The following FREM2 variants were observed in gnomAD, a reference collection of about 807,000 sequenced individuals.
FREM2 encodes the protein FRAS1-related extracellular matrix protein 2.
Under a neutral mutation model 219.9 loss-of-function variants are expected in FREM2, and 119 were observed. The ratio of observed to expected loss-of-function variants is 0.54; its 90% CI spans 0.47 to 0.63. The LOEUF (loss-of-function observed/expected upper bound fraction) is 0.63. FREM2 is among the 30% of genes least tolerant of loss of function. The pLI, the probability that FREM2 is intolerant of heterozygous loss-of-function variation, is 0.00. For synonymous variants in FREM2, 1,562 were observed against 1,522.8 expected (o/e 1.03, Z -0.60); for missense variants, 4,030 against 3,993.6 (o/e 1.01, Z -0.25).
At chr13:38,855,066 G>A (rs556225030) in intron 11 of FREM2, among the ~76,000 whole-genome samples, 20 of 152,144 alleles carry the variant, frequency 1.3e-4, no homozygotes, top group African/African-American at 2.9e-4. Context: ...GCTTAATTAC[G>A]ATTTCAATAA....
chr13:38,758,681 G>A (rs1205719621), intron 2 of FREM2, among the ~76,000 whole-genome samples: 2 of 152,202 alleles, frequency 1.3e-5, no homozygotes, highest in Non-Finnish European at 2.9e-5. Flanking sequence ...TCCTATGGAA[G>A]ATTCTGAGGC....
intron 6 of FREM2, chr13:38,822,177 G>A (rs907639461): frequency 6.6e-6 from 1 of 151,984 alleles, no homozygotes; most frequent in African/African-American, 2.4e-5. Context: ...TATAGGTATT[G>A]TGAGAGGAAA....
intron 6 of FREM2, among the ~76,000 whole-genome samples, chr13:38,825,755 A>C (rs189250547): frequency 6.6e-6 from 1 of 152,198 alleles, no homozygotes; most frequent in Admixed American, 6.6e-5. Flanking sequence ...CTCCTCTCTG[A>C]GCTACCTTTT....
intron 16 of FREM2, among the ~76,000 whole-genome samples, chr13:38,869,678 A>G (rs57955343): frequency 0.017 from 2,610 of 152,318 alleles, 77 homozygotes; most frequent in African/African-American, 0.059. Flanking sequence ...CAAAATAGAG[A>G]TGAATTAAAT....
At chr13:38,698,419 ATAT>A (rs1870203748) in intron 2 of FREM2, among the ~76,000 whole-genome samples, 1 of 152,062 alleles carries the variant, frequency 6.6e-6, no homozygotes, top group Non-Finnish European at 1.5e-5. Flanking sequence ...CTTTTGGGCG[ATAT>A]TATTCTCATT....
chr13:38,832,600 A>G (rs1876553048), intron 6 of FREM2, among the ~76,000 whole-genome samples: 1 of 152,178 alleles, frequency 6.6e-6, no homozygotes, highest in African/African-American at 2.4e-5. Flanking sequence ...TTTTATACAT[A>G]CCATTCTCTA....
intron 6 of FREM2, among the ~76,000 whole-genome samples, chr13:38,837,310 T>A (rs1026387425): frequency 6.6e-6 from 1 of 152,216 alleles, no homozygotes; most frequent in African/African-American, 2.4e-5. Flanking sequence ...GAGAGAGTGT[T>A]TGTATGATTT....
chr13:38,829,645 C>CT (rs201951171), intron 6 of FREM2, among the ~76,000 whole-genome samples: 3,028 of 140,484 alleles, frequency 0.022, 109 homozygotes, highest in African/African-American at 0.073. Flanking sequence ...TTATTATATC[C>CT]TTTTTTTTTT....
rs553438502 is a variant in FREM2, at chr13:38,863,272, A to T, written c.7652-1003A>T. 2.6e-5 allele frequency among the ~76,000 whole-genome samples: 4 copies of T among 152,124 alleles called. No homozygotes were observed. The East Asian group carries it at 7.7e-4, about 29-fold the overall frequency. ...GCCATGTTGGTCAGGCTGGTCTCAA[A>T]CTCCTGACCTCAAGTGATCCACCTG... On this transcript the variant is annotated intron_variant, in intron 15 of 23. Coordinates refer to ENST00000280481, the MANE Select transcript of FREM2 (RefSeq NM_207361.6).
At chr13:38,767,549 A>G (rs993398609) in intron 3 of FREM2, among the ~76,000 whole-genome samples, 2 of 152,222 alleles carry the variant, frequency 1.3e-5, no homozygotes, top group Non-Finnish European at 2.9e-5. Flanking sequence ...AAAACAGAAA[A>G]GTGAGCAGTA....
chr13:38,832,113 A>C (rs1034626024), intron 6 of FREM2, among the ~76,000 whole-genome samples: 1 of 151,874 alleles, frequency 6.6e-6, no homozygotes, highest in Non-Finnish European at 1.5e-5. Context: ...TCAGGAGTTC[A>C]AGACCAGCCT....
intron 2 of FREM2, among the ~76,000 whole-genome samples, chr13:38,752,040 A>C (rs1420886258): frequency 6.6e-6 from 1 of 152,250 alleles, no homozygotes; most frequent in African/African-American, 2.4e-5. Context: ...AACTAATTAA[A>C]TAATACTACA....
chr13:38,747,393 A>AGTGTG (rs1872526766), intron 2 of FREM2, among the ~76,000 whole-genome samples: 4 of 56,824 alleles, frequency 7.0e-5, no homozygotes, highest in South Asian at 1.8e-3. Flanking sequence ...AGCTGATATA[A>AGTGTG]TATGTGTGTG....
chr13:38,880,412 C>T lies in FREM2; in HGVS notation c.9135C>T (p.Ser3045=). The T allele has an allele frequency of 6.2e-7, 1 of 1,614,086 alleles. No homozygotes were observed. The highest frequency in any genetic ancestry group is 8.5e-7 in the Non-Finnish European group (1 of 1,180,014). Residue 3045 remains serine (S), a synonymous_variant, in exon 24 of 24, where the codon TCC becomes TCT. Coordinates refer to ENST00000280481, the MANE Select transcript of FREM2 (RefSeq NM_207361.6). ...HSLVSQGKPQ[S]TTKSRKKREI... ...TGGTGAGTCAAGGAAAGCCCCAATC[C>T]ACCACCAAGAGCCGGAAGAAGAGAG...
In FREM2 at chr13:38,817,862, A is replaced by G. The variant is rs7338401; in HGVS notation, c.6020-28711A>G. ...TAAGGGACATAATAGCAAAACAACA[A>G]TAACAATATTAATCAAAAATGGGCA... On this transcript the variant is annotated intron_variant, in intron 6 of 23. Coordinates refer to ENST00000280481, the MANE Select transcript of FREM2 (RefSeq NM_207361.6). 7.8e-3 allele frequency among the ~76,000 whole-genome samples: 1,191 copies of G among 152,234 alleles called. 11 individuals carry two copies. The highest frequency in any genetic ancestry group is 0.027 in the African/African-American group (1,121 of 41,568).
At chr13:38,785,089 T>C (rs751996269) in intron 6 of FREM2, among the ~76,000 whole-genome samples, 1 of 152,192 alleles carries the variant, frequency 6.6e-6, no homozygotes, top group Non-Finnish European at 1.5e-5. Context: ...ACTTTTGACA[T>C]TTCATGGTGA....
chr13:38,878,536 C>T (rs190941360), intron 22 of FREM2, among the ~76,000 whole-genome samples: 14 of 151,328 alleles, frequency 9.3e-5, no homozygotes, highest in East Asian at 5.9e-4. Context: ...AAAAATTAGC[C>T]GAGCATCGTG....
chr13:38,777,343 G>A (rs1873913544), intron 4 of FREM2, among the ~76,000 whole-genome samples: 1 of 152,118 alleles, frequency 6.6e-6, no homozygotes, highest in Non-Finnish European at 1.5e-5. Flanking sequence ...TTTCTCTGGT[G>A]TAAGTGATGC....
intron 4 of FREM2, among the ~76,000 whole-genome samples, chr13:38,776,870 C>T (rs916067050): frequency 6.6e-6 from 1 of 151,466 alleles, no homozygotes; most frequent in Non-Finnish European, 1.5e-5. Flanking sequence ...CCATTGTTAA[C>T]ATTTGAGAGC....
Sources: gnomAD v4.1 joint callset for allele counts (sites outside exome capture counted in the v4.1 genomes callset) on GRCh38, gnomAD v4.1.1 for gene constraint, MANE v1.5 for transcripts, NCBI Gene and HGNC (gene_info 2026-07-23, HGNC 2026-07-21) for gene names.